The following MRM1 variants were observed in gnomAD, a reference collection of about 807,000 sequenced individuals.
MRM1 encodes the protein rRNA methyltransferase 1, mitochondrial.
MRM1 carries 24 observed loss-of-function variants against 25.0 expected under a neutral mutation model. That is an observed-to-expected ratio of 0.96 (90% CI 0.69 to 1.35). The LOEUF is 1.35. Ranked by LOEUF, MRM1 falls within the 40% of genes most tolerant of loss-of-function variation. MRM1 has a pLI of 0.00. For synonymous variants in MRM1, 188 were observed against 199.2 expected, an observed-to-expected ratio of 0.94 and a Z score of 0.47; for missense variants, 431 against 464.1, an observed-to-expected ratio of 0.93 and a Z score of 0.65.
intron 2 of MRM1, among the ~76,000 whole-genome samples, chr17:36,606,414 ATT>A (rs35048409): frequency 1.1e-4 from 16 of 140,508 alleles, no homozygotes; most frequent in African/African-American, 1.3e-4. Flanking sequence ...CTGATGGATA[ATT>A]TTTTTTTTTT....
In MRM1 at chr17:36,602,347, A is replaced by G. The variant is rs148399281; in HGVS notation, c.537A>G (p.Arg179=). 38 of 1,557,044 alleles carry G rather than the reference A, an allele frequency of 2.4e-5. No individual in the cohort carries two copies. The highest frequency in any genetic ancestry group is 1.2e-4 in the South Asian group (10 of 84,232). ...TGGATAAGGTCATCACCAGCCGGAG[A>G]AACAGGCACGGACGTCCCTCATTCT... ...LGVDKVITSR[R]NSCPLTPVVS... is the part of the protein sequence containing the mutation. Residue 179 remains arginine (R), a synonymous_variant, in exon 1 of 5, where the codon AGA becomes AGG. Transcript: ENST00000614766. This position sits in a 1 kb window ranked among gnomAD's most constrained non-coding sequence, Gnocchi z 4.1.
the MRM1 span, among the ~76,000 whole-genome samples, chr17:36,627,649 A>G: frequency 7.9e-6 from 1 of 126,876 alleles, no homozygotes; most frequent in Admixed American, 7.9e-5. Flanking sequence ...AGATTATACT[A>G]CTCATCCTGT....
rs774700920 is a variant in MRM1, at chr17:36,608,314, C to T, written c.961C>T (p.Gln321Ter). Residue 321 changes from glutamine (Q) to a stop codon, truncating the protein, a stop_gained, in exon 5 of 5, where the codon CAA becomes TAA. Coordinates refer to ENST00000614766, the MANE Select transcript of MRM1 (RefSeq NM_024864.5). LOFTEE classifies it low-confidence loss of function (END_TRUNC). ...PTEGERRQLLQDPQEPSARSE... is the reference protein window; with the variant it reads ...PTEGERRQLL ...AGAGGGGGAGAGAAGGCAGCTTCTC[C>T]AAGACCCCCAAGAACCCTCAGCCAG... is the stretch of plus-strand genomic sequence containing the variant. 1.9e-6 allele frequency: 3 copies of T among 1,609,928 alleles called. No homozygotes were observed. The highest frequency in any genetic ancestry group is 1.7e-6 in the Non-Finnish European group (2 of 1,178,084).
the MRM1 span, among the ~76,000 whole-genome samples, chr17:36,626,923 T>C: frequency 6.6e-6 from 1 of 152,232 alleles, no homozygotes; most frequent in Non-Finnish European, 1.5e-5. Context: ...GCCCTGACTC[T>C]GAGGCAAATG....
At position 36,601,637 on chromosome 17, in the gene MRM1, G is replaced by T; in HGVS notation, c.-174G>T. The stretch of plus-strand genomic sequence containing the variant: ...GCCTGGGAGCGGGTGGTCGTAGCTC[G>T]GTAGTCCAGTTGTGGGTAATCGGGG... On this transcript the variant is annotated 5_prime_UTR_variant, in exon 1 of 5. Transcript: ENST00000614766. 1.5e-6 allele frequency: 1 copy of T among 645,786 alleles called. No homozygotes were observed. Among genetic ancestry groups the T allele is most frequent in the Non-Finnish European group, 2.4e-6 (1 of 415,858 alleles). 40.0% of individuals were successfully genotyped at this position (645,786 alleles called of 1,614,324 possible). A position where few individuals can be genotyped will look rare whatever the true frequency, so the allele number is the denominator to read the frequency against.
the MRM1 span, among the ~76,000 whole-genome samples, chr17:36,625,928 G>A: frequency 6.6e-6 from 1 of 151,972 alleles, no homozygotes. Flanking sequence ...GGGAGGCCCA[G>A]CTCAAATCTC....
chr17:36,608,231 G>C lies in MRM1; in HGVS notation c.890-12G>C. 4 of 1,551,930 alleles carry C rather than the reference G, an allele frequency of 2.6e-6. No individual in the cohort carries two copies. Among genetic ancestry groups the C allele is most frequent in the Non-Finnish European group, 3.5e-6 (4 of 1,148,014 alleles). On this transcript the variant is annotated splice_polypyrimidine_tract_variant and intron_variant, in intron 4 of 4. Coordinates refer to ENST00000614766, the MANE Select transcript of MRM1 (RefSeq NM_024864.5). ...CTCCGTCCTCTCTTCCCTTGTCCTT[G>C]TGTCTGTGCAGGAATTCTTCTTCAC... is the stretch of plus-strand genomic sequence containing the variant.
downstream of MRM1, among the ~76,000 whole-genome samples, chr17:36,613,425 C>G (rs1464584652): frequency 1.3e-5 from 2 of 152,164 alleles, no homozygotes; most frequent in African/African-American, 4.8e-5. Context: ...AAACATGGGG[C>G]TCCACTGCAG....
At chr17:36,629,411 A>C in the MRM1 span, among the ~76,000 whole-genome samples, 1 of 152,124 alleles carries the variant, frequency 6.6e-6, no homozygotes, top group African/African-American at 2.4e-5. Context: ...CAAGTGGGTG[A>C]GCTGCGGCGG....
chr17:36,634,363 G>A, the MRM1 span: 1 of 152,192 alleles, frequency 6.6e-6, no homozygotes, highest in East Asian at 1.9e-4. Context: ...TGGGCCCAGG[G>A]GTGTTGATTT....
chr17:36,634,610 A>G, the MRM1 span: 3 of 152,146 alleles, frequency 2.0e-5, no homozygotes, highest in African/African-American at 7.2e-5. Context: ...TTGATGGATC[A>G]TTTTGTTTGG....
chr17:36,614,817 T>C, the MRM1 span, among the ~76,000 whole-genome samples: 36 of 152,362 alleles, frequency 2.4e-4, no homozygotes, highest in East Asian at 5.8e-3. Flanking sequence ...TGCTCAAATA[T>C]TGTAGTTATT....
At chr17:36,624,099 G>A in the MRM1 span, among the ~76,000 whole-genome samples, 5 of 152,000 alleles carry the variant, frequency 3.3e-5, no homozygotes, top group Admixed American at 2.0e-4. The surrounding 1 kb of genome is among the most constrained non-coding windows in gnomAD (Gnocchi z 4.0). Context: ...GGGCACCACC[G>A]CCAAGTCCAG....
the MRM1 span, among the ~76,000 whole-genome samples, chr17:36,622,209 G>C: frequency 1.3e-5 from 2 of 152,146 alleles, no homozygotes; most frequent in African/African-American, 4.8e-5. Context: ...GCCCCCTCCT[G>C]TCCCTATGGA....
chr17:36,606,076 A>G (rs748901537), intron 2 of MRM1, among the ~76,000 whole-genome samples: 10 of 151,948 alleles, frequency 6.6e-5, no homozygotes, highest in Non-Finnish European at 1.3e-4. Flanking sequence ...CTCTCTTCCC[A>G]CTGGCCACCT....
At chr17:36,614,808 G>A in the MRM1 span, among the ~76,000 whole-genome samples, 151 of 152,278 alleles carry the variant, frequency 9.9e-4, no homozygotes, top group Non-Finnish European at 1.7e-3. Context: ...ATATTTATTT[G>A]CTCAAATATT....
the MRM1 span, among the ~76,000 whole-genome samples, chr17:36,618,361 A>T: frequency 6.6e-6 from 1 of 152,158 alleles, no homozygotes. Context: ...AAGTAAAATT[A>T]TATAGTATGT....
chr17:36,613,634 A>G (rs1169455783), downstream of MRM1, among the ~76,000 whole-genome samples: 1 of 152,198 alleles, frequency 6.6e-6, no homozygotes, highest in Non-Finnish European at 1.5e-5. Context: ...AGCGGAGAGC[A>G]GGGAAAGCAG....
At chr17:36,629,739 A>C in the MRM1 span, among the ~76,000 whole-genome samples, 1 of 151,668 alleles carries the variant, frequency 6.6e-6, no homozygotes, top group Non-Finnish European at 1.5e-5. Flanking sequence ...GGGGGGGGGC[A>C]CATCAGCAGG....
Sources: gnomAD v4.1 joint callset for allele counts (sites outside exome capture counted in the v4.1 genomes callset) on GRCh38, gnomAD v4.1.1 for gene constraint, Gnocchi (gnomAD v3.1) non-coding constraint, MANE v1.5 for transcripts, NCBI Gene and HGNC (gene_info 2026-07-23, HGNC 2026-07-21) for gene names.